The following EYA4 variants were observed in gnomAD, a reference collection of about 807,000 sequenced individuals.
EYA4 encodes protein phosphatase EYA4.
Under a neutral mutation model 87.9 loss-of-function variants are expected in EYA4, and 31 were observed. The observed-to-expected ratio is 0.35, with a 90% confidence interval of 0.27 to 0.48. EYA4 has a LOEUF of 0.48. Ranked by LOEUF, EYA4 falls within the 20% of genes least tolerant of loss-of-function variation. EYA4 has a pLI of 0.99. For missense variants in EYA4, 678 were observed against 761.4 expected, an observed-to-expected ratio of 0.89 and a Z score of 1.29; for synonymous variants, 263 against 270.6, an observed-to-expected ratio of 0.97 and a Z score of 0.28.
At chr6:133,357,106 C>A (rs1784114896) in intron 2 of EYA4, among the ~76,000 whole-genome samples, 1 of 151,694 alleles carries the variant, frequency 6.6e-6, no homozygotes, top group South Asian at 2.1e-4. Flanking sequence ...CCCGTCTCTA[C>A]TAAAAATACA....
intron 2 of EYA4, among the ~76,000 whole-genome samples, chr6:133,305,688 C>G (rs982209613): frequency 3.9e-5 from 6 of 152,120 alleles, no homozygotes; most frequent in Non-Finnish European, 5.9e-5. Context: ...AGCATGTTTT[C>G]TCCTAATCTT....
chr6:133,392,563 C>G (rs1787394044), intron 3 of EYA4, among the ~76,000 whole-genome samples: 1 of 152,144 alleles, frequency 6.6e-6, no homozygotes, highest in African/African-American at 2.4e-5. Context: ...TGGAGAGACA[C>G]TTAGCAAATT....
intron 2 of EYA4, among the ~76,000 whole-genome samples, chr6:133,352,312 A>G (rs1189738926): frequency 6.6e-6 from 1 of 152,214 alleles, no homozygotes; most frequent in African/African-American, 2.4e-5. Flanking sequence ...ATTGGCTACC[A>G]TAGATTTGAC....
chr6:133,270,072 C>T (rs1337553291), intron 1 of EYA4, among the ~76,000 whole-genome samples: 1 of 152,190 alleles, frequency 6.6e-6, no homozygotes, highest in Non-Finnish European at 1.5e-5. Context: ...ATTGTACCCA[C>T]CAGATTAAGG....
Position 133,434,765 on chromosome 6 carries a change from G to A in EYA4, c.84-11865G>A, listed in dbSNP as rs576037935. On this transcript the variant is annotated intron_variant, in intron 3 of 19. Transcript: ENST00000355286. The stretch of plus-strand genomic sequence containing the variant: ...CTTTGCTCTTGTTAGTACAACATTG[G>A]GAAACCTAGATTTGTTTATCCTGTG... Among the ~76,000 whole-genome samples, 3 of 152,070 alleles carry A rather than the reference G, an allele frequency of 2.0e-5. No individual in the cohort carries two copies. The East Asian group carries it at 5.8e-4, about 30-fold the overall frequency.
intron 18 of EYA4, among the ~76,000 whole-genome samples, 174 bp downstream of exon 18, chr6:133,523,351 A>G (rs1800351072): frequency 6.6e-6 from 1 of 152,180 alleles, no homozygotes; most frequent in Non-Finnish European, 1.5e-5. Context: ...ACTGTTGCCT[A>G]GTGACATTAA....
chr6:133,291,317 A>G (rs1357546168), intron 2 of EYA4, among the ~76,000 whole-genome samples: 2 of 152,188 alleles, frequency 1.3e-5, no homozygotes, highest in Admixed American at 6.5e-5. Flanking sequence ...ATTCCTAGGG[A>G]TATCTTTATA....
intron 11 of EYA4, among the ~76,000 whole-genome samples, chr6:133,479,962 G>A (rs212773): frequency 0.54 from 82,307 of 152,010 alleles, 23,961 homozygotes; most frequent in African/African-American, 0.77. Flanking sequence ...TCTATGGGAC[G>A]TACAGAAGTC....
chr6:133,322,928 G>A (rs913343890), intron 2 of EYA4, among the ~76,000 whole-genome samples: 2 of 152,036 alleles, frequency 1.3e-5, no homozygotes, highest in Non-Finnish European at 1.5e-5. Flanking sequence ...TTTTGTCACT[G>A]GTGAGATGTG....
At chr6:133,263,236 A>G (rs1387761904) in intron 1 of EYA4, among the ~76,000 whole-genome samples, 3 of 152,222 alleles carry the variant, frequency 2.0e-5, no homozygotes, top group Non-Finnish European at 2.9e-5. Context: ...ATACCATTGC[A>G]ATATAAAGAA....
At chr6:133,447,284 AT>A (rs1231472665) in intron 4 of EYA4, among the ~76,000 whole-genome samples, 2 of 152,102 alleles carry the variant, frequency 1.3e-5, no homozygotes, top group South Asian at 2.1e-4. Context: ...AAGGAATTGC[AT>A]TTTTTTCAGA....
chr6:133,453,271 G>A (rs1024389043), intron 5 of EYA4, among the ~76,000 whole-genome samples: 2 of 151,956 alleles, frequency 1.3e-5, no homozygotes, highest in Non-Finnish European at 2.9e-5. Context: ...AAAGTATATA[G>A]TAGGTGTAAT....
At chr6:133,478,347 T>A (rs1371271719) in intron 11 of EYA4, among the ~76,000 whole-genome samples, 1 of 152,110 alleles carries the variant, frequency 6.6e-6, no homozygotes, top group Non-Finnish European at 1.5e-5. Context: ...CACAAAGACA[T>A]GTACAAGAAT....
At chr6:133,480,829 T>C (rs996590791) in intron 11 of EYA4, among the ~76,000 whole-genome samples, 47 of 151,462 alleles carry the variant, frequency 3.1e-4, no homozygotes, top group Non-Finnish European at 1.5e-5. Flanking sequence ...GTATGCACTA[T>C]TCTAAGAAGT....
intron 1 of EYA4, among the ~76,000 whole-genome samples, chr6:133,260,401 C>A (rs1775703202): frequency 1.3e-5 from 2 of 152,108 alleles, no homozygotes. Flanking sequence ...CCATGCCCAG[C>A]TAACTTTTGT....
intron 3 of EYA4, among the ~76,000 whole-genome samples, chr6:133,424,632 T>G (rs1583239994): frequency 3.5e-5 from 5 of 144,040 alleles, no homozygotes; most frequent in African/African-American, 1.1e-4. Flanking sequence ...GCTCCCACCC[T>G]GCCAACTTGG....
intron 19 of EYA4, among the ~76,000 whole-genome samples, chr6:133,527,060 GCATAACC>G (rs1423322725): frequency 1.3e-5 from 2 of 152,152 alleles, no homozygotes; most frequent in East Asian, 3.8e-4. Flanking sequence ...GGAGGGAAAC[GCATAACC>G]CTGAATGGAA....
intron 13 of EYA4, among the ~76,000 whole-genome samples, chr6:133,483,573 A>G (rs58073338): frequency 0.092 from 13,934 of 151,900 alleles, 1,261 homozygotes; most frequent in African/African-American, 0.22. Flanking sequence ...TTGAGTACAC[A>G]TATGAACAGC....
At chr6:133,427,809 A>G (rs1474331411) in intron 3 of EYA4, among the ~76,000 whole-genome samples, 2 of 152,224 alleles carry the variant, frequency 1.3e-5, no homozygotes, top group Non-Finnish European at 2.9e-5. Context: ...TTGTTCATTC[A>G]TCAAGGTTCA....
Sources: gnomAD v4.1 joint callset for allele counts (sites outside exome capture counted in the v4.1 genomes callset) on GRCh38, gnomAD v4.1.1 for gene constraint, MANE v1.5 for transcripts, NCBI Gene and HGNC (gene_info 2026-07-23, HGNC 2026-07-21) for gene names.